The following ARL5C variants were observed in gnomAD, a reference collection of about 807,000 sequenced individuals.
The protein encoded by ARL5C is ARF like GTPase 5C.
A neutral mutation model predicts 20.8 loss-of-function variants in ARL5C; 21 were observed. That is an observed-to-expected ratio of 1.01 (90% CI 0.72 to 1.46). ARL5C has a LOEUF of 1.46. Ranked by LOEUF, ARL5C falls within the 40% of genes most tolerant of loss-of-function variation. ARL5C has a pLI of 0.00. For missense variants in ARL5C, 199 were observed against 225.1 expected (o/e 0.88, Z 0.74); for synonymous variants, 71 against 81.6 (o/e 0.87, Z 0.70).
chr17:39,161,472 C>G, intron 3 of ARL5C, 121 bp from the exon 4 acceptor site: 1 of 833,054 alleles, frequency 1.2e-6, no homozygotes, highest in South Asian at 1.6e-5. Flanking sequence ...GAAATGAAAG[C>G]ATGCAGCCTC....
rs748642397 is a variant in ARL5C at position 39,160,731 on chromosome 17, A to G, written c.351T>C (p.Asp117=). ...TATTGGCAAATATCAGGACTGAAGCATCCTGTAGAGCCTGTGGACAGAGGA... is the reference window on the plus strand; with the variant it reads ...TATTGGCAAATATCAGGACTGAAGCGTCCTGTAGAGCCTGTGGACAGAGGA... The part of the protein sequence containing the change: ...YKMLAHEALQ[D]ASVLIFANKQ... The change falls in exon 5 of 6, where the codon GAT becomes GAC. Residue 117 remains aspartate, a synonymous_variant. Coordinates refer to ENST00000269586, the MANE Select transcript of ARL5C (RefSeq NM_001143968.1). The G allele has an allele frequency of 2.2e-5, 34 of 1,551,400 alleles. 1 individual carries two copies. The South Asian group carries it at 4.0e-4, about 18-fold the overall frequency.
Position 39,162,709 on chromosome 17 carries a change from A to C in ARL5C, c.255+2T>G, listed in dbSNP as rs2045440856. 1.3e-6 allele frequency: 2 copies of C among 1,551,176 alleles called. No individual in the cohort carries two copies. Among genetic ancestry groups the C allele is most frequent in the Admixed American group, 3.9e-5 (2 of 50,960 alleles). ...ACCCTTCAGCCCTGGTGCCCTCCTC[A>C]CCTCAGTGTTGGAGTAGTATGTGTT... On this transcript the variant is annotated splice_donor_variant, in intron 3 of 5. Transcript: ENST00000269586. LOFTEE classifies it high-confidence loss of function.
At chr17:39,164,595 A>C (rs535867934) in intron 2 of ARL5C, among the ~76,000 whole-genome samples, 27 of 152,252 alleles carry the variant, frequency 1.8e-4, no homozygotes, top group South Asian at 1.0e-3. Flanking sequence ...GTAAAATGGG[A>C]GAGGTGCCAT....
At chr17:39,158,895 C>T (rs2045419846) in intron 5 of ARL5C, among the ~76,000 whole-genome samples, 1 of 151,124 alleles carries the variant, frequency 6.6e-6, no homozygotes, top group Admixed American at 6.6e-5. Flanking sequence ...CCAGGCTGGA[C>T]TCCAACTCCT....
chr17:39,160,777 C>A, intron 4 of ARL5C, 35 bp from the exon 5 acceptor site: 1 of 1,546,334 alleles, frequency 6.5e-7, no homozygotes, highest in Non-Finnish European at 8.7e-7. Context: ...AGTCAGCCTG[C>A]TAGTGCCCAG....
intron 2 of ARL5C, among the ~76,000 whole-genome samples, chr17:39,163,673 T>G (rs1332164519): frequency 6.7e-6 from 1 of 150,080 alleles, no homozygotes; most frequent in Non-Finnish European, 1.5e-5. Context: ...ATTACAGGCA[T>G]GAGCCACCGC....
At position 39,160,659 on chromosome 17, in the gene ARL5C, GA is replaced by G. The variant is rs1429899610; in HGVS notation, c.422del (p.Phe141SerfsTer?). On this transcript the variant is annotated frameshift_variant, in exon 5 of 6. Transcript: ENST00000269586. LOFTEE classifies it high-confidence loss of function. ...DSMRMVEISH[F>X]LTLSTIKDHS... The stretch of plus-strand genomic sequence containing the variant: ...GGTCTTTGATGGTGCTGAGAGTAAG[GA>G]AATGGGAGATCTCCACCATCCTCAT... 1 of 1,551,622 alleles carries G rather than the reference GA, an allele frequency of 6.4e-7. No homozygotes were observed. Among genetic ancestry groups the G allele is most frequent in the African/African-American group, 1.4e-5 (1 of 72,998 alleles).
intron 2 of ARL5C, 156 bp downstream of exon 2, chr17:39,164,923 C>T: frequency 1.5e-6 from 1 of 665,768 alleles, no homozygotes; most frequent in South Asian, 1.9e-5. Context: ...ACCGAGGAGC[C>T]GCAGTACTAG....
At chr17:39,164,582 G>A (rs2045453427) in intron 2 of ARL5C, among the ~76,000 whole-genome samples, 1 of 152,094 alleles carries the variant, frequency 6.6e-6, no homozygotes, top group Non-Finnish European at 1.5e-5. Context: ...TACTTTGGAG[G>A]CTGTAAAATG....
chr17:39,159,458 G>A lies in ARL5C; in HGVS notation c.491+1133C>T, dbSNP rs1390354118. Among the ~76,000 whole-genome samples, 8 of 151,596 alleles carry A rather than the reference G, an allele frequency of 5.3e-5. No homozygotes were observed. In the South Asian group the frequency reaches 6.2e-4, roughly 12 times the overall value. On this transcript the variant is annotated intron_variant, in intron 5 of 5. Coordinates refer to ENST00000269586, the MANE Select transcript of ARL5C (RefSeq NM_001143968.1). ...ATTACAGGCATCTGCCACCACACCC[G>A]GCTAATTTTTGTATTTTTAGTAGAG...
Position 39,161,287 on chromosome 17 carries a change from T to C in ARL5C, c.320A>G (p.Tyr107Cys), listed in dbSNP as rs1410628841. The C allele has an allele frequency of 1.3e-6, 2 of 1,551,726 alleles. No individual in the cohort carries two copies. The highest frequency in any genetic ancestry group is 2.4e-5 in the East Asian group (1 of 41,050). The change falls in exon 4 of 6, where the codon TAT becomes TGT. Residue 107 changes from tyrosine to cysteine, a missense_variant. By Grantham distance (194) the Tyr-to-Cys change is radical. Coordinates refer to ENST00000269586, the MANE Select transcript of ARL5C (RefSeq NM_001143968.1). Reference sequence around the variant, plus strand: ...GCTTACCTCATGGGCCAGCATTTTATATAGCTCCTCCCGAGTGGTCAGCAG... The same window carrying C: ...GCTTACCTCATGGGCCAGCATTTTACATAGCTCCTCCCGAGTGGTCAGCAG... ...DRLLTTREEL[Y>C]KMLAHEALQD...
chr17:39,163,388 T>TTCTTTCTTTCTTTCTTTCTTTCTC (rs1597669004), intron 2 of ARL5C, among the ~76,000 whole-genome samples: 2 of 138,158 alleles, frequency 1.4e-5, no homozygotes, highest in South Asian at 2.1e-4. Context: ...CTTTCTTTCT[T>TTCTTTCTTTCTTTCTTTCTTTCTC]TCTTTCTCTC....
intron 5 of ARL5C, among the ~76,000 whole-genome samples, chr17:39,158,535 C>T (rs1432289680): frequency 4.0e-5 from 6 of 151,858 alleles, no homozygotes; most frequent in Non-Finnish European, 5.9e-5. Context: ...ATCGCTTGAG[C>T]CCAAGAGGTT....
chr17:39,160,533 G>A (rs1328799168), intron 5 of ARL5C, 58 bp downstream of exon 5: 8 of 1,532,496 alleles, frequency 5.2e-6, no homozygotes, highest in Non-Finnish European at 7.1e-6. Context: ...GGGTTCTGAT[G>A]GTCAGTCATC....
intron 3 of ARL5C, among the ~76,000 whole-genome samples, chr17:39,161,820 A>G (rs1397567975): frequency 6.6e-6 from 1 of 152,034 alleles, no homozygotes; most frequent in Admixed American, 6.6e-5. Context: ...CTGGCCTGTA[A>G]TTGTCTTTTC....
intron 2 of ARL5C, chr17:39,164,357 T>A (rs2045452479): frequency 6.6e-6 from 1 of 152,174 alleles, no homozygotes; most frequent in Admixed American, 6.5e-5. Context: ...GTGCTTTGTT[T>A]AAAGTGACAT....
chr17:39,157,044 G>A (rs1004593568), intron 5 of ARL5C, 102 bp from the exon 6 acceptor site: 4 of 1,251,508 alleles, frequency 3.2e-6, no homozygotes, highest in Non-Finnish European at 4.5e-6. Flanking sequence ...AGGAACCAAA[G>A]TTACATCCAA....
chr17:39,162,505 T>G (rs2045439927), intron 3 of ARL5C, among the ~76,000 whole-genome samples: 1 of 152,170 alleles, frequency 6.6e-6, no homozygotes, highest in Non-Finnish European at 1.5e-5. Context: ...TTTGCCATGT[T>G]GGCCAGGCTG....
intron 5 of ARL5C, among the ~76,000 whole-genome samples, chr17:39,158,798 A>G (rs529772632): frequency 5.3e-5 from 8 of 152,050 alleles, no homozygotes; most frequent in Admixed American, 1.3e-4. Context: ...AACTTACCTA[A>G]AATTGCAACA....
Sources: allele counts gnomAD v4.1 joint callset (sites outside exome capture counted in the v4.1 genomes callset), GRCh38; gene constraint gnomAD v4.1.1; transcripts MANE v1.5; gene names NCBI Gene and HGNC (gene_info 2026-07-23, HGNC 2026-07-21).